PPEF1: variants seen among roughly 807,000 people sequenced by gnomAD.
PPEF1 encodes the protein serine/threonine-protein phosphatase with EF-hands 1.
PPEF1 carries 12 observed loss-of-function variants against 53.3 expected under a neutral mutation model. The observed-to-expected ratio is 0.23, with a 90% CI of 0.14 to 0.36. The LOEUF (loss-of-function observed/expected upper bound fraction) is 0.36. Ranked by LOEUF, PPEF1 falls within the 10% of genes least tolerant of loss-of-function variation. The probability of loss-of-function intolerance (pLI) is 1.00; values close to 1 mark genes in which losing one functional copy is unlikely to be tolerated. For missense variants in PPEF1, 334 were observed against 490.4 expected (o/e 0.68, Z 3.01); for synonymous variants, 165 against 176.7 (o/e 0.93, Z 0.52).
chrX:18,821,086 G>A (rs375153679), intron 13 of PPEF1, among the ~76,000 whole-genome samples: 4 of 108,256 alleles, frequency 3.7e-5, no homozygotes, highest in African/African-American at 1.3e-4. Context: ...AGCCAGGCGT[G>A]GTGGCGGGCG....
intron 1 of PPEF1, among the ~76,000 whole-genome samples, chrX:18,712,116 T>G (rs1396686674): frequency 8.9e-6 from 1 of 111,953 alleles, no homozygotes; most frequent in African/African-American, 3.2e-5. Flanking sequence ...TTTGTTTCTC[T>G]TTTTCAAGAT....
intron 11 of PPEF1, 58 bp downstream of exon 11, chrX:18,804,135 T>C: frequency 9.6e-7 from 1 of 1,040,051 alleles, no homozygotes; most frequent in Non-Finnish European, 1.3e-6. Flanking sequence ...GCACAGTCTT[T>C]TCTTCACAGA....
intron 9 of PPEF1, among the ~76,000 whole-genome samples, chrX:18,788,592 C>A (rs1218975615): frequency 9.0e-6 from 1 of 111,318 alleles, no homozygotes; most frequent in East Asian, 2.8e-4. Context: ...CAGAGTCAGG[C>A]TGAGAACCAC....
At chrX:18,824,225 A>T in intron 14 of PPEF1, 139 bp downstream of exon 14, 1 of 610,042 alleles carries the variant, frequency 1.6e-6, no homozygotes, top group South Asian at 4.7e-5. Flanking sequence ...GCAGATCCCG[A>T]GGTCAGGAGT....
chrX:18,824,011 A>G lies in PPEF1; in HGVS notation c.1590A>G (p.Val530=). The change falls in exon 14 of 16, where the codon GTA becomes GTG. Residue 530 remains valine (V), a synonymous_variant. Coordinates refer to ENST00000470157, the MANE Select transcript of PPEF1 (RefSeq NM_001377996.1). ...GGAGATCCCTCAGTTCGAATCTGGT[A>G]AACATAGACCAAAATGGAAACGTTG... The part of the protein sequence containing the change: ...LPWRSLSSNL[V]NIDQNGNVEY... The G allele has an allele frequency of 8.3e-7, 1 of 1,206,994 alleles. No homozygotes were observed. The highest frequency in any genetic ancestry group is 1.1e-6 in the Non-Finnish European group (1 of 891,506).
chrX:18,680,419 A>T (rs1928833590), upstream of PPEF1, among the ~76,000 whole-genome samples: 1 of 90,341 alleles, frequency 1.1e-5, no homozygotes, highest in African/African-American at 4.3e-5. Context: ...TGCAGCACTA[A>T]ATTTCTTCTC....
Position 18,821,865 on chromosome X carries a change from C to T in PPEF1, c.1502-2058C>T, listed in dbSNP as rs756492832. Among the ~76,000 whole-genome samples, 624 of 109,601 alleles carry T rather than the reference C, an allele frequency of 5.7e-3. 2 individuals are homozygous for T. Among genetic ancestry groups the T allele is most frequent in the African/African-American group, 0.02 (590 of 30,142 alleles). On this transcript the variant is annotated intron_variant, in intron 13 of 15. Coordinates refer to ENST00000470157, the MANE Select transcript of PPEF1 (RefSeq NM_001377996.1). ...CTGTCTAAGGCTGAGAGAGAGGACC[C>T]AAGGAAGGAAAAACTTGGAAGGGAC...
chrX:18,827,683 G>A lies in PPEF1; in HGVS notation c.*196G>A, dbSNP rs1354911042. ...ATTGGTAAGATTAGGTTAAATGTCA[G>A]TAATAGGATTTGGTTTCAGCATTAG... On this transcript the variant is annotated 3_prime_UTR_variant, in exon 16 of 16. Coordinates refer to ENST00000470157, the MANE Select transcript of PPEF1 (RefSeq NM_001377996.1). 5 of 414,390 alleles carry A rather than the reference G, an allele frequency of 1.2e-5. No individual in the cohort carries two copies. In the East Asian group the frequency reaches 2.0e-4, roughly 16 times the overall value. The allele number at this position is 414,390 out of a possible 1,213,427, so 34.2% of individuals were successfully genotyped here. A position where few individuals can be genotyped will look rare whatever the true frequency, so the allele number is the denominator to read the frequency against.
At position 18,779,164 on chromosome X, in the gene PPEF1, T is replaced by C; in HGVS notation, c.713T>C (p.Met238Thr). 3 of 1,204,485 alleles carry C rather than the reference T, an allele frequency of 2.5e-6. No individual in the cohort carries two copies. Among genetic ancestry groups the C allele is most frequent in the Non-Finnish European group, 3.4e-6 (3 of 891,791 alleles). The change falls in exon 7 of 16, where the codon ATG (methionine) becomes ACG (threonine). Residue 238 changes from methionine to threonine, a missense_variant. Transcript: ENST00000470157. Reference protein sequence around the residue: ...HLNRGNHEDFMMNLRYGFTKE... With the variant: ...HLNRGNHEDFTMNLRYGFTKE... ...AACAGAGGGAACCACGAAGATTTTATGATGAATCTGAGGTAACCCAGGCCT... is the reference window on the plus strand; with the variant it reads ...AACAGAGGGAACCACGAAGATTTTACGATGAATCTGAGGTAACCCAGGCCT...
Position 18,726,747 on chromosome X carries a change from C to T in PPEF1, c.47-3434C>T, listed in dbSNP as rs201956805. ...GGTGATCTTGGCTCACTGCAACCTC[C>T]GTCTCCTAGGTTCAAGTGATCCTCC... On this transcript the variant is annotated intron_variant, in intron 1 of 15. Coordinates refer to ENST00000470157, the MANE Select transcript of PPEF1 (RefSeq NM_001377996.1). Among the ~76,000 whole-genome samples the T allele has an allele frequency of 5.5e-5, 6 of 109,677 alleles. No individual in the cohort carries two copies. In the South Asian group the frequency reaches 1.2e-3, roughly 22 times the overall value.
intron 6 of PPEF1, among the ~76,000 whole-genome samples, chrX:18,772,800 T>C (rs11795620): frequency 0.06 from 6,738 of 112,250 alleles, 221 homozygotes; most frequent in Non-Finnish European, 0.096. Flanking sequence ...GAAAAGTTGA[T>C]TGGGGCTGAG....
chrX:18,729,744 G>T (rs2044792157), intron 1 of PPEF1, among the ~76,000 whole-genome samples: 1 of 112,162 alleles, frequency 8.9e-6, no homozygotes. Context: ...AATTGCCTTT[G>T]GGGTACGTAG....
At chrX:18,811,567 A>T (rs1226249508) in intron 12 of PPEF1, among the ~76,000 whole-genome samples, 1 of 102,457 alleles carries the variant, frequency 9.8e-6, no homozygotes, top group Non-Finnish European at 2.0e-5. Flanking sequence ...TCTTTATTCT[A>T]TATACACATC....
chrX:18,681,345 T>C, upstream of PPEF1, among the ~76,000 whole-genome samples: 1 of 112,311 alleles, frequency 8.9e-6, no homozygotes, highest in Non-Finnish European at 1.9e-5. Context: ...TCGACTGGAA[T>C]GAAAGATCCA....
chrX:18,725,777 G>A (rs1190719217), intron 1 of PPEF1, among the ~76,000 whole-genome samples: 1 of 111,604 alleles, frequency 9.0e-6, no homozygotes, highest in African/African-American at 3.3e-5. Flanking sequence ...GGGTGGGGCA[G>A]TTCCGTTTCC....
chrX:18,699,459 T>A (rs1435654446), intron 5 of PPEF1, among the ~76,000 whole-genome samples: 3 of 111,647 alleles, frequency 2.7e-5, no homozygotes, highest in Non-Finnish European at 3.8e-5. Flanking sequence ...ACGTATGCTG[T>A]GTCACCAGCT....
At chrX:18,775,873 T>G (rs1361994544) in intron 6 of PPEF1, among the ~76,000 whole-genome samples, 1 of 112,582 alleles carries the variant, frequency 8.9e-6, no homozygotes. Flanking sequence ...GATCTGTTCT[T>G]TTCGTTTCAA....
In PPEF1 at chrX:18,737,570, T is replaced by C. The variant is rs189003045; in HGVS notation, c.235+3762T>C. 8.8e-3 allele frequency among the ~76,000 whole-genome samples: 983 copies of C among 111,876 alleles called. 11 individuals carry two copies. The highest frequency in any genetic ancestry group is 0.03 in the African/African-American group (931 of 30,766). ...TATGTGGTCAGTTTTGGAATAAGTG[T>C]GATGTGGTGCTGAGAAGAATGTTTA... On this transcript the variant is annotated intron_variant, in intron 3 of 15. Coordinates refer to ENST00000470157, the MANE Select transcript of PPEF1 (RefSeq NM_001377996.1).
At chrX:18,810,288 C>T (rs1463043687) in intron 12 of PPEF1, among the ~76,000 whole-genome samples, 3 of 108,623 alleles carry the variant, frequency 2.8e-5, no homozygotes, top group Non-Finnish European at 5.7e-5. Flanking sequence ...GGATCTGTAC[C>T]TTTGTTTAGA....
Sources: gnomAD v4.1 joint callset for allele counts (sites outside exome capture counted in the v4.1 genomes callset) on GRCh38, gnomAD v4.1.1 for gene constraint, MANE v1.5 for transcripts, NCBI Gene and HGNC (gene_info 2026-07-23, HGNC 2026-07-21) for gene names.